Variants in CREB5 observed in about 807,000 individuals in gnomAD.
The protein encoded by CREB5 is cAMP responsive element binding protein 5, also known as cyclic AMP-responsive element-binding protein 5.
Under a neutral mutation model 57.1 loss-of-function variants are expected in CREB5, and 19 were observed. That is an observed-to-expected ratio of 0.33 (90% confidence interval 0.23 to 0.49). The LOEUF is 0.49. CREB5 is among the 20% of genes least tolerant of loss of function. The pLI is 0.99. For synonymous variants in CREB5, 238 were observed against 238.3 expected, an observed-to-expected ratio of 1.00 and a Z score of 0.01; for missense variants, 579 against 671.6, an observed-to-expected ratio of 0.86 and a Z score of 1.52.
chr7:28,789,538 C>A (rs1807540345), intron 7 of CREB5, among the ~76,000 whole-genome samples: 1 of 152,138 alleles, frequency 6.6e-6, no homozygotes, highest in Middle Eastern at 3.2e-3. Flanking sequence ...ATAAAATGTT[C>A]TCGGTTATAG....
intron 1 of CREB5, among the ~76,000 whole-genome samples, chr7:28,433,206 C>T (rs963318007): frequency 7.9e-5 from 12 of 152,116 alleles, no homozygotes; most frequent in African/African-American, 4.8e-5. Context: ...GGTGTTGATA[C>T]ATTTTGCTAA....
intron 1 of CREB5, among the ~76,000 whole-genome samples, chr7:28,335,181 T>A (rs1464643004): frequency 6.6e-6 from 1 of 152,178 alleles, no homozygotes; most frequent in Non-Finnish European, 1.5e-5. Context: ...GCTATTCTTG[T>A]CTTTTGTGGT....
At chr7:28,787,070 G>A (rs150650060) in intron 7 of CREB5, among the ~76,000 whole-genome samples, 127 of 152,286 alleles carry the variant, frequency 8.3e-4, no homozygotes, top group African/African-American at 3.0e-3. Context: ...CTGAGGTCTA[G>A]GGTCCGCCCA....
At position 28,821,099 on chromosome 7, in the gene CREB5, A is replaced by G. The variant is rs532555263; in HGVS notation, c.*1820A>G. ...CAATCTAGGCAGGTGCTGGTGTTTCATCTCCATTTGAATGCTTGACCTCTT... is the reference window on the plus strand; with the variant it reads ...CAATCTAGGCAGGTGCTGGTGTTTCGTCTCCATTTGAATGCTTGACCTCTT... On this transcript the variant is annotated 3_prime_UTR_variant, in exon 11 of 11. Transcript: ENST00000357727. 1 of 150,314 alleles carries G rather than the reference A, an allele frequency of 6.7e-6. No homozygotes were observed. The highest frequency in any genetic ancestry group is 2.1e-4 in the South Asian group (1 of 4,712). The allele number at this position is 150,314 out of a possible 1,614,324, so 9.3% of individuals were successfully genotyped here. A position where few individuals can be genotyped will look rare whatever the true frequency, so the allele number is the denominator to read the frequency against.
intron 6 of CREB5, among the ~76,000 whole-genome samples, chr7:28,719,291 C>T (rs1304254099): frequency 2.0e-5 from 3 of 152,188 alleles, no homozygotes; most frequent in African/African-American, 7.2e-5. Context: ...TACATAATAG[C>T]TGCTAACATG....
intron 1 of CREB5, among the ~76,000 whole-genome samples, chr7:28,315,285 G>A (rs1038079301): frequency 1.3e-5 from 2 of 152,184 alleles, no homozygotes; most frequent in South Asian, 4.1e-4. Context: ...CCAGTTTAAT[G>A]AATTTTGTTA....
chr7:28,501,937 C>G (rs1792290871), intron 3 of CREB5, among the ~76,000 whole-genome samples: 1 of 152,162 alleles, frequency 6.6e-6, no homozygotes, highest in Non-Finnish European at 1.5e-5. Context: ...TCTAGTCCCA[C>G]AGTTGTCTAT....
At chr7:28,428,746 T>C (rs989934092) in intron 1 of CREB5, among the ~76,000 whole-genome samples, 6 of 152,128 alleles carry the variant, frequency 3.9e-5, no homozygotes, top group Non-Finnish European at 8.8e-5. Context: ...GGGTCTCAGC[T>C]GCAGATAGAG....
chr7:28,463,754 A>G (rs1790444973), intron 1 of CREB5, among the ~76,000 whole-genome samples: 2 of 152,122 alleles, frequency 1.3e-5, no homozygotes, highest in Admixed American at 1.3e-4. Flanking sequence ...TGAGTTTTGT[A>G]TATTACCTTG....
intron 5 of CREB5, among the ~76,000 whole-genome samples, chr7:28,633,877 G>A (rs1031528905): frequency 2.0e-5 from 3 of 152,184 alleles, no homozygotes; most frequent in African/African-American, 7.2e-5. Flanking sequence ...GGGCAGCACA[G>A]AATTCATGCT....
At chr7:28,325,866 TG>T (rs1785589731) in intron 1 of CREB5, among the ~76,000 whole-genome samples, 1 of 152,240 alleles carries the variant, frequency 6.6e-6, no homozygotes, top group Non-Finnish European at 1.5e-5. Flanking sequence ...TGCATTTTGA[TG>T]CTCAAATTGT....
At chr7:28,560,819 T>C (rs749643525) in intron 4 of CREB5, among the ~76,000 whole-genome samples, 20,091 of 61,872 alleles carry the variant, frequency 0.32, 5,887 homozygotes, top group South Asian at 0.42. Context: ...CGTGTGTGTG[T>C]GTGCGCGCGC....
intron 5 of CREB5, among the ~76,000 whole-genome samples, chr7:28,639,002 T>A (rs981067965): frequency 1.3e-5 from 2 of 152,220 alleles, no homozygotes; most frequent in Admixed American, 6.5e-5. Flanking sequence ...TTGGCTACAA[T>A]TTAAAAAAGT....
At chr7:28,526,210 T>C (rs1238936837) in intron 4 of CREB5, among the ~76,000 whole-genome samples, 1 of 152,218 alleles carries the variant, frequency 6.6e-6, no homozygotes, top group Non-Finnish European at 1.5e-5. Context: ...GAAATAATCT[T>C]TCTGTTGTTA....
At chr7:28,695,670 T>C (rs1211415252) in intron 5 of CREB5, among the ~76,000 whole-genome samples, 2 of 152,102 alleles carry the variant, frequency 1.3e-5, no homozygotes, top group Non-Finnish European at 2.9e-5. Flanking sequence ...TTCCCACCAC[T>C]CTCTTCTCTC....
chr7:28,487,999 A>G (rs1236467826), intron 1 of CREB5, among the ~76,000 whole-genome samples, 176 bp from the exon 2 acceptor site: 1 of 152,196 alleles, frequency 6.6e-6, no homozygotes, highest in East Asian at 1.9e-4. Flanking sequence ...GGTGAGCCCA[A>G]AGAACTACAG....
intron 4 of CREB5, among the ~76,000 whole-genome samples, chr7:28,546,086 T>C (rs1252765788): frequency 6.6e-6 from 1 of 152,192 alleles, no homozygotes; most frequent in African/African-American, 2.4e-5. Context: ...GAATCTACTT[T>C]CTGTATCCAT....
In CREB5 at chr7:28,824,471, A is replaced by G. The variant is rs1415289236; in HGVS notation, c.*5192A>G. 6.6e-6 allele frequency: 1 copy of G among 152,600 alleles called. No individual in the cohort carries two copies. Among genetic ancestry groups the G allele is most frequent in the Non-Finnish European group, 1.5e-5 (1 of 68,042 alleles). 9.5% of individuals were successfully genotyped at this position (152,600 alleles called of 1,614,324 possible). ...ATCGATTTCATTCCTAGGTCTCAAAAATACAATGTTGCCTTGTAACATAAT... is the reference window on the plus strand; with the variant it reads ...ATCGATTTCATTCCTAGGTCTCAAAGATACAATGTTGCCTTGTAACATAAT... On this transcript the variant is annotated 3_prime_UTR_variant, in exon 11 of 11. Coordinates refer to ENST00000357727, the MANE Select transcript of CREB5 (RefSeq NM_182898.4).
intron 5 of CREB5, among the ~76,000 whole-genome samples, chr7:28,603,932 G>A (rs999249100): frequency 6.6e-6 from 1 of 152,172 alleles, no homozygotes; most frequent in East Asian, 1.9e-4. Context: ...TGTTTCACAA[G>A]TTTAAGGGCA....
Sources: allele counts gnomAD v4.1 joint callset (sites outside exome capture counted in the v4.1 genomes callset), GRCh38; gene constraint gnomAD v4.1.1; transcripts MANE v1.5; gene names NCBI Gene and HGNC (gene_info 2026-07-23, HGNC 2026-07-21).